SREK1IP1: variants seen among roughly 807,000 people sequenced by gnomAD.
SREK1IP1 encodes protein SREK1IP1.
A neutral mutation model predicts 22.8 loss-of-function variants in SREK1IP1; 12 were observed. The ratio of observed to expected loss-of-function variants is 0.53; its 90% CI spans 0.34 to 0.85. The LOEUF is 0.85. Among genes scored for constraint, SREK1IP1 ranks in the 40% least tolerant of loss-of-function variants. SREK1IP1 has a pLI of 0.02. For synonymous variants in SREK1IP1, 53 were observed against 52.7 expected, an observed-to-expected ratio of 1.01 and a Z score of -0.02; for missense variants, 147 against 171.8, an observed-to-expected ratio of 0.86 and a Z score of 0.81.
At chr5:64,730,443 T>C (rs760313261) in intron 3 of SREK1IP1, among the ~76,000 whole-genome samples, 16 of 151,614 alleles carry the variant, frequency 1.1e-4, no homozygotes, top group Non-Finnish European at 4.4e-5. Flanking sequence ...CGAAAAAAAA[T>C]TGATGCTGAT....
At chr5:64,763,830 GCA>G (rs999900896) in intron 1 of SREK1IP1, among the ~76,000 whole-genome samples, 34 of 152,300 alleles carry the variant, frequency 2.2e-4, no homozygotes, top group African/African-American at 8.2e-4. Flanking sequence ...GGCCACACTT[GCA>G]CTGTACTTTT....
intron 1 of SREK1IP1, among the ~76,000 whole-genome samples, chr5:64,766,193 A>G (rs1743029733): frequency 6.6e-6 from 1 of 152,130 alleles, no homozygotes; most frequent in African/African-American, 2.4e-5. Flanking sequence ...CTAAGCTACA[A>G]ATTATATCTC....
intron 1 of SREK1IP1, among the ~76,000 whole-genome samples, chr5:64,766,992 CTT>C (rs1743044580): frequency 6.6e-6 from 1 of 152,188 alleles, no homozygotes; most frequent in Admixed American, 6.5e-5. Flanking sequence ...CAGAAAACAT[CTT>C]TCATTCTGAC....
intron 2 of SREK1IP1, among the ~76,000 whole-genome samples, chr5:64,742,398 C>T (rs906795873): frequency 2.0e-5 from 3 of 151,998 alleles, no homozygotes; most frequent in Non-Finnish European, 4.4e-5. Flanking sequence ...CACTCATACA[C>T]ACATTCATGG....
At chr5:64,767,963 T>C (rs1169883481) in intron 1 of SREK1IP1, among the ~76,000 whole-genome samples, 4 of 152,316 alleles carry the variant, frequency 2.6e-5, no homozygotes, top group African/African-American at 9.6e-5. Context: ...AGAAATCTTA[T>C]ATATAATTCA....
chr5:64,764,079 G>C (rs1288909356), intron 1 of SREK1IP1, among the ~76,000 whole-genome samples: 1 of 150,514 alleles, frequency 6.6e-6, no homozygotes, highest in African/African-American at 2.5e-5. Context: ...AGTTTTATGA[G>C]GGCATAAACT....
chr5:64,753,245 G>C (rs568170781), intron 2 of SREK1IP1, among the ~76,000 whole-genome samples: 1 of 152,238 alleles, frequency 6.6e-6, no homozygotes, highest in Non-Finnish European at 1.5e-5. Flanking sequence ...GCATTTGTAG[G>C]TTCTTAATTC....
intron 1 of SREK1IP1, 152 bp from the exon 2 acceptor site, chr5:64,754,514 G>C (rs1742804233): frequency 3.0e-6 from 2 of 661,106 alleles, no homozygotes; most frequent in East Asian, 2.9e-5. Flanking sequence ...ACCAAGGCTA[G>C]AGTACACTGA....
intron 3 of SREK1IP1, among the ~76,000 whole-genome samples, chr5:64,736,165 C>T (rs965883763): frequency 7.2e-5 from 11 of 151,988 alleles, no homozygotes; most frequent in African/African-American, 2.7e-4. Flanking sequence ...TTCTAAGTAG[C>T]TTTCTGCTAT....
chr5:64,765,288 C>T lies in SREK1IP1; in HGVS notation c.13+3217G>A, dbSNP rs534395567. Among the ~76,000 whole-genome samples the T allele has an allele frequency of 2.8e-4, 42 of 152,258 alleles. 1 individual carries two copies. The highest frequency in any genetic ancestry group is 1.0e-3 in the African/African-American group (42 of 41,530). ...GCTTATACACAATGCTATGGAAACA[C>T]GGGTGAAGCACATGATCATAAAACA... is the stretch of plus-strand genomic sequence containing the variant. On this transcript the variant is annotated intron_variant, in intron 1 of 4. Coordinates refer to ENST00000513458, the MANE Select transcript of SREK1IP1 (RefSeq NM_173829.4).
chr5:64,762,667 C>T (rs1339056965), intron 1 of SREK1IP1, among the ~76,000 whole-genome samples: 2 of 152,056 alleles, frequency 1.3e-5, no homozygotes, highest in Admixed American at 6.6e-5. Flanking sequence ...ATTAATACTT[C>T]GTTAATTAAT....
Position 64,754,463 on chromosome 5 carries a change from A to T in SREK1IP1, c.14-101T>A, listed in dbSNP as rs981136577. The T allele has an allele frequency of 7.2e-6, 9 of 1,244,420 alleles. No individual in the cohort carries two copies. The Admixed American group carries it at 1.2e-4, about 17-fold the overall frequency. 77.1% of individuals were successfully genotyped at this position (1,244,420 alleles called of 1,614,324 possible). ...GCTAAGAAAAACCATTTGTTATAGA[A>T]TTTCTTTTTTTTTGTTGTTGAGACA... On this transcript the variant is annotated intron_variant, in intron 1 of 4. Transcript: ENST00000513458.
At chr5:64,725,042 C>G (rs1233528782) in intron 4 of SREK1IP1, among the ~76,000 whole-genome samples, 1 of 152,052 alleles carries the variant, frequency 6.6e-6, no homozygotes, top group Admixed American at 6.6e-5. Context: ...TGAAAGTTAG[C>G]AAAATAAAAG....
intron 1 of SREK1IP1, among the ~76,000 whole-genome samples, chr5:64,756,885 CA>C (rs1276988987): frequency 6.6e-6 from 1 of 152,086 alleles, no homozygotes; most frequent in African/African-American, 2.4e-5. Context: ...CTTAGCTTCC[CA>C]AAGTGCTGGG....
chr5:64,739,191 G>C (rs1268703913), intron 3 of SREK1IP1, among the ~76,000 whole-genome samples: 1 of 151,948 alleles, frequency 6.6e-6, no homozygotes, highest in African/African-American at 2.4e-5. Context: ...TTTCTTTCTG[G>C]GACTCATTTG....
chr5:64,767,103 G>A (rs996580448), intron 1 of SREK1IP1, among the ~76,000 whole-genome samples: 1 of 152,124 alleles, frequency 6.6e-6, no homozygotes, highest in African/African-American at 2.4e-5. Context: ...TCCATCCATA[G>A]AAAACATCTT....
intron 1 of SREK1IP1, among the ~76,000 whole-genome samples, chr5:64,763,350 A>G (rs922249303): frequency 4.6e-5 from 7 of 152,148 alleles, no homozygotes; most frequent in African/African-American, 1.7e-4. Context: ...CATCCTGGCT[A>G]ACATGGTGAA....
rs1742807097 is a variant in SREK1IP1, at chr5:64,754,645, T to C, written c.14-283A>G. On this transcript the variant is annotated intron_variant, in intron 1 of 4. Coordinates refer to ENST00000513458, the MANE Select transcript of SREK1IP1 (RefSeq NM_173829.4). ...CACCTGGCTAACTTTTAAATTTTTT[T>C]GCAGAGATGAGGTTGTGCTTTGTTG... 1.4e-4 allele frequency: 40 copies of C among 295,068 alleles called. 1 individual carries two copies. In the South Asian group the frequency reaches 2.0e-3, roughly 15 times the overall value. The allele number at this position is 295,068 out of a possible 1,614,324, so 18.3% of individuals were successfully genotyped here. A position where few individuals can be genotyped will look rare whatever the true frequency, so the allele number is the denominator to read the frequency against.
intron 2 of SREK1IP1, among the ~76,000 whole-genome samples, chr5:64,744,218 A>G (rs1246067988): frequency 6.6e-6 from 1 of 152,152 alleles, no homozygotes; most frequent in Non-Finnish European, 1.5e-5. Context: ...GGCACCATGC[A>G]TAAGAGAACA....
Sources: gnomAD v4.1 joint callset for allele counts (sites outside exome capture counted in the v4.1 genomes callset) on GRCh38, gnomAD v4.1.1 for gene constraint, MANE v1.5 for transcripts, NCBI Gene and HGNC (gene_info 2026-07-23, HGNC 2026-07-21) for gene names.